ELMO1: variants seen among roughly 807,000 people sequenced by gnomAD.
ELMO1 encodes the protein engulfment and cell motility protein 1.
Under a neutral mutation model 98.9 loss-of-function variants are expected in ELMO1, and 26 were observed. The observed-to-expected ratio is 0.26, with a 90% confidence interval of 0.19 to 0.36. ELMO1 has a LOEUF of 0.36. ELMO1 is among the 10% of genes least tolerant of loss of function. The pLI is 1.00. For synonymous variants in ELMO1, 346 were observed against 346.0 expected (o/e 1.00, Z 0.00); for missense variants, 627 against 935.2 (o/e 0.67, Z 4.30).
chr7:36,937,483 C>G (rs920334743), intron 16 of ELMO1, among the ~76,000 whole-genome samples: 7 of 152,220 alleles, frequency 4.6e-5, no homozygotes, highest in Non-Finnish European at 1.0e-4. Context: ...GAGACCATAA[C>G]TTTCTCATAG....
At chr7:36,921,282 G>A (rs943716798) in intron 16 of ELMO1, among the ~76,000 whole-genome samples, 5 of 152,194 alleles carry the variant, frequency 3.3e-5, no homozygotes, top group Admixed American at 6.5e-5. Context: ...GATCAAGAGC[G>A]GGCAGGCCCA....
At chr7:37,302,741 A>G (rs1214606248) in intron 4 of ELMO1, among the ~76,000 whole-genome samples, 1 of 152,196 alleles carries the variant, frequency 6.6e-6, no homozygotes, top group Non-Finnish European at 1.5e-5. Flanking sequence ...ATAAGTAATC[A>G]TCTCTACTGA....
intron 16 of ELMO1, among the ~76,000 whole-genome samples, chr7:37,006,661 A>G: frequency 6.6e-6 from 1 of 152,200 alleles, no homozygotes; most frequent in East Asian, 1.9e-4. Context: ...GACATATACA[A>G]TATATCTGTA....
At chr7:37,168,124 A>C (rs1189750631) in intron 13 of ELMO1, among the ~76,000 whole-genome samples, 1 of 151,822 alleles carries the variant, frequency 6.6e-6, no homozygotes, top group African/African-American at 2.4e-5. Context: ...CTTCCAGTTG[A>C]TCGCATTGGC....
intron 6 of ELMO1, among the ~76,000 whole-genome samples, chr7:37,252,739 T>C (rs992497399): frequency 2.0e-5 from 3 of 152,122 alleles, no homozygotes; most frequent in Non-Finnish European, 2.9e-5. Flanking sequence ...TGGGGTCTAA[T>C]TAAACTAAAG....
rs1208864216 is a variant in ELMO1 at position 37,221,765 on chromosome 7, CTCA to C, written c.780+847_780+849del. The stretch of plus-strand genomic sequence containing the variant: ...CTGGAGTACAGCAGTGTGATGTCAG[CTCA>C]CTGCAACCTCTGCCTCCCGGCTTGG... On this transcript the variant is annotated intron_variant, in intron 10 of 21. Transcript: ENST00000310758. Among the ~76,000 whole-genome samples, 136 of 151,724 alleles carry C rather than the reference CTCA, an allele frequency of 9.0e-4. 1 individual carries two copies. The highest frequency in any genetic ancestry group is 3.2e-3 in the African/African-American group (130 of 41,244).
rs1053896756 is a variant in ELMO1 at position 37,350,619 on chromosome 7, T to C, written c.-73-7856A>G. ...TGACTTCCTTCAAATCCTTAAATCC[T>C]CTCAGGTTGATAGAGGCCTCTTTAG... is the stretch of plus-strand genomic sequence containing the variant. On this transcript the variant is annotated intron_variant, in intron 1 of 21. Coordinates refer to ENST00000310758, the MANE Select transcript of ELMO1 (RefSeq NM_014800.11). 1.3e-5 allele frequency among the ~76,000 whole-genome samples: 2 copies of C among 152,210 alleles called. 1 individual carries two copies. The highest frequency in any genetic ancestry group is 6.3e-3 in the Middle Eastern group (2 of 316).
At chr7:37,079,609 C>A (rs1458826529) in intron 15 of ELMO1, among the ~76,000 whole-genome samples, 3 of 152,154 alleles carry the variant, frequency 2.0e-5, no homozygotes, top group Non-Finnish European at 4.4e-5. Context: ...GGTGAAATCA[C>A]TCTTGTTCAG....
intron 1 of ELMO1, among the ~76,000 whole-genome samples, chr7:37,350,229 A>T (rs1801198569): frequency 6.6e-6 from 1 of 152,228 alleles, no homozygotes; most frequent in Admixed American, 6.5e-5. Flanking sequence ...AAGAGAATAA[A>T]CAGAGAATGG....
intron 1 of ELMO1, among the ~76,000 whole-genome samples, chr7:37,439,423 C>A (rs909141016): frequency 6.6e-6 from 1 of 152,222 alleles, no homozygotes; most frequent in African/African-American, 2.4e-5. Context: ...GATCTGCAAT[C>A]ACGGTAAACA....
intron 1 of ELMO1, among the ~76,000 whole-genome samples, chr7:37,446,119 T>C (rs1400925764): frequency 6.6e-6 from 1 of 152,206 alleles, no homozygotes; most frequent in Non-Finnish European, 1.5e-5. Context: ...GGCTTCTCAC[T>C]TGCACTAATG....
chr7:37,233,723 C>CT (rs34529692), intron 7 of ELMO1, among the ~76,000 whole-genome samples: 49,305 of 152,038 alleles, frequency 0.32, 8,081 homozygotes, highest in South Asian at 0.47. Context: ...AGAATTAGTA[C>CT]TTTTTTTAAG....
chr7:37,003,629 T>C (rs1792840171), intron 16 of ELMO1, among the ~76,000 whole-genome samples: 1 of 152,244 alleles, frequency 6.6e-6, no homozygotes, highest in Admixed American at 6.5e-5. Flanking sequence ...AGCACAGTTC[T>C]GAAAAATTTG....
intron 14 of ELMO1, among the ~76,000 whole-genome samples, chr7:37,129,934 T>C (rs1786792913): frequency 6.6e-6 from 1 of 152,214 alleles, no homozygotes; most frequent in Admixed American, 6.5e-5. Context: ...CATCCTATAC[T>C]ACTGTGGCTC....
At chr7:37,073,572 ATGTGTGTG>A (rs10676771) in intron 15 of ELMO1, among the ~76,000 whole-genome samples, 1 of 146,418 alleles carries the variant, frequency 6.8e-6, no homozygotes, top group Non-Finnish European at 1.5e-5. Context: ...TTGTTTTTGT[ATGTGTGTG>A]TGTGTGTGTG....
intron 13 of ELMO1, among the ~76,000 whole-genome samples, chr7:37,182,493 C>A (rs1262010143): frequency 3.6e-5 from 4 of 109,622 alleles, no homozygotes; most frequent in East Asian, 2.9e-4. Flanking sequence ...TTTTTTGAGA[C>A]GGAGTCTCGC....
chr7:37,363,011 G>A (rs139355507), intron 1 of ELMO1, among the ~76,000 whole-genome samples: 9 of 152,342 alleles, frequency 5.9e-5, no homozygotes, highest in South Asian at 2.1e-4. Context: ...AGCTGCCCTG[G>A]AGGGTCACTT....
chr7:37,361,634 C>A (rs1431462371), intron 1 of ELMO1, among the ~76,000 whole-genome samples: 1 of 152,190 alleles, frequency 6.6e-6, no homozygotes, highest in African/African-American at 2.4e-5. Context: ...GATTCCATTT[C>A]TAGAAAATTC....
chr7:37,383,329 C>A (rs1802654170), intron 1 of ELMO1, among the ~76,000 whole-genome samples: 1 of 152,184 alleles, frequency 6.6e-6, no homozygotes, highest in African/African-American at 2.4e-5. Context: ...GAAAAAATCA[C>A]AAAAGTTTAT....
Sources: gnomAD v4.1 joint callset for allele counts (sites outside exome capture counted in the v4.1 genomes callset) on GRCh38, gnomAD v4.1.1 for gene constraint, MANE v1.5 for transcripts, NCBI Gene and HGNC (gene_info 2026-07-23, HGNC 2026-07-21) for gene names.